The following USP32 variants were observed in gnomAD, a reference collection of about 807,000 sequenced individuals.
USP32 encodes ubiquitin specific peptidase 32.
USP32 carries 59 observed loss-of-function variants against 204.8 expected under a neutral mutation model. The observed-to-expected ratio is 0.29, with a 90% CI of 0.23 to 0.36. USP32 has a LOEUF of 0.36. Among genes scored for constraint, USP32 ranks in the 10% least tolerant of loss-of-function variants. The pLI is 1.00. For missense variants in USP32, 1,160 were observed against 1,946.4 expected (o/e 0.60, Z 7.60); for synonymous variants, 517 against 678.4 (o/e 0.76, Z 3.70).
intron 13 of USP32, among the ~76,000 whole-genome samples, chr17:60,224,985 C>T (rs922014126): frequency 7.2e-5 from 11 of 152,132 alleles, no homozygotes; most frequent in Admixed American, 7.2e-4. Context: ...AGTATTTTAA[C>T]AAAATAATCT....
intron 9 of USP32, among the ~76,000 whole-genome samples, chr17:60,260,712 T>C (rs958065308): frequency 1.4e-5 from 2 of 145,060 alleles, no homozygotes; most frequent in South Asian, 2.1e-4. Context: ...TAGAAAATTA[T>C]ATACAGATTT....
intron 1 of USP32, among the ~76,000 whole-genome samples, chr17:60,389,871 G>C (rs2089799265): frequency 6.6e-6 from 1 of 151,986 alleles, no homozygotes; most frequent in Non-Finnish European, 1.5e-5. Flanking sequence ...AAAAAAATTA[G>C]CCGGGCGTGG....
intron 2 of USP32, among the ~76,000 whole-genome samples, chr17:60,321,593 C>G (rs2088112820): frequency 6.6e-6 from 1 of 152,120 alleles, no homozygotes; most frequent in African/African-American, 2.4e-5. Context: ...GGCTTTAGAA[C>G]AGCTATTACA....
intron 26 of USP32, among the ~76,000 whole-genome samples, chr17:60,199,939 T>C (rs2084630577): frequency 1.3e-5 from 2 of 152,304 alleles, no homozygotes; most frequent in African/African-American, 4.8e-5. Context: ...CTCATGCCTG[T>C]AATCCCAGCA....
chr17:60,408,276 G>T (rs1021162948), intron 1 of USP32, among the ~76,000 whole-genome samples: 5 of 151,958 alleles, frequency 3.3e-5, no homozygotes, highest in African/African-American at 4.8e-5. Context: ...TATATTTAAA[G>T]AAAAACATGA....
chr17:60,303,443 T>C (rs947138625), intron 2 of USP32, among the ~76,000 whole-genome samples: 10 of 151,916 alleles, frequency 6.6e-5, no homozygotes, highest in African/African-American at 2.4e-4. Context: ...AGAATGTCTT[T>C]GAGGTGTGAT....
chr17:60,349,624 T>TTATATA (rs1318566015), intron 1 of USP32, among the ~76,000 whole-genome samples: 2 of 60,298 alleles, frequency 3.3e-5, no homozygotes, highest in African/African-American at 1.2e-4. Flanking sequence ...TATATATATA[T>TTATATA]TATATATATA....
At chr17:60,393,973 C>G (rs888011784), upstream of USP32, among the ~76,000 whole-genome samples, 1 of 152,146 alleles carries the variant, frequency 6.6e-6, no homozygotes, top group Non-Finnish European at 1.5e-5. Context: ...CGTGAGCCAC[C>G]GCGCCCCACC....
rs371602577 is a variant in USP32, at chr17:60,297,453, T to TC, written c.293-2653_293-2652insG. 1.3e-3 allele frequency among the ~76,000 whole-genome samples: 201 copies of TC among 151,924 alleles called. 1 individual carries two copies. Among genetic ancestry groups the TC allele is most frequent in the African/African-American group, 4.5e-3 (188 of 41,436 alleles). ...CTACAATGTTTTTCCTTTTCTTTTTTTTTTTTTCTTTTTGAGACAGAGTCT... is the reference window on the plus strand; with the variant it reads ...CTACAATGTTTTTCCTTTTCTTTTTTCTTTTTTTCTTTTTGAGACAGAGTCT... On this transcript the variant is annotated intron_variant, in intron 3 of 33. Transcript: ENST00000300896.
chr17:60,339,733 T>G (rs532231968), intron 2 of USP32, among the ~76,000 whole-genome samples: 7 of 152,254 alleles, frequency 4.6e-5, no homozygotes, highest in African/African-American at 1.7e-4. Context: ...GCTCTAAAAA[T>G]ATAAAGCTAC....
At chr17:60,406,805 C>T (rs1251490011) in intron 1 of USP32, among the ~76,000 whole-genome samples, 4 of 151,872 alleles carry the variant, frequency 2.6e-5, no homozygotes, top group South Asian at 2.1e-4. Context: ...TGAGCCACTG[C>T]GCCTGGCCTT....
intron 25 of USP32, among the ~76,000 whole-genome samples, chr17:60,206,694 C>G (rs561821681): frequency 1.3e-5 from 2 of 151,972 alleles, no homozygotes; most frequent in Admixed American, 6.5e-5. Flanking sequence ...TATTGGATTT[C>G]TTTCTAGCTA....
chr17:60,257,338 T>TG (rs1472449191), intron 9 of USP32, among the ~76,000 whole-genome samples: 1 of 152,108 alleles, frequency 6.6e-6, no homozygotes, highest in African/African-American at 2.4e-5. Flanking sequence ...ATGTGCCAAT[T>TG]GGGGGGAGTC....
At chr17:60,283,649 C>A (rs964724690) in intron 5 of USP32, among the ~76,000 whole-genome samples, 1 of 148,622 alleles carries the variant, frequency 6.7e-6, no homozygotes. Context: ...GGATATAAAA[C>A]ACAGAAGGAA....
intron 1 of USP32, among the ~76,000 whole-genome samples, chr17:60,351,129 G>T (rs973204562): frequency 2.0e-5 from 3 of 152,014 alleles, no homozygotes; most frequent in African/African-American, 7.2e-5. Context: ...CAAAAGTCAG[G>T]GGGGTAAAAG....
intron 9 of USP32, among the ~76,000 whole-genome samples, chr17:60,256,011 G>A (rs2086293121): frequency 6.6e-6 from 1 of 152,062 alleles, no homozygotes; most frequent in African/African-American, 2.4e-5. Context: ...TAGATCAACT[G>A]TCTTATAATC....
At chr17:60,284,068 C>T (rs937578210) in intron 5 of USP32, among the ~76,000 whole-genome samples, 2 of 151,864 alleles carry the variant, frequency 1.3e-5, no homozygotes, top group Admixed American at 6.6e-5. Flanking sequence ...ACTGATTGGT[C>T]AACAGTGTTA....
chr17:60,198,535 C>T, intron 26 of USP32, 91 bp from the exon 27 acceptor site: 14 of 1,400,128 alleles, frequency 1.0e-5, no homozygotes, highest in African/African-American at 1.4e-5. Flanking sequence ...ATGACAGGCA[C>T]TATCACCATT....
upstream of USP32, chr17:60,392,178 T>G: frequency 2.0e-6 from 1 of 507,758 alleles, no homozygotes; most frequent in Non-Finnish European, 3.5e-6. Context: ...TACTCCGCCC[T>G]TCTCTCTCCT....
Sources: gnomAD v4.1 joint callset for allele counts (sites outside exome capture counted in the v4.1 genomes callset) on GRCh38, gnomAD v4.1.1 for gene constraint, MANE v1.5 for transcripts, NCBI Gene and HGNC (gene_info 2026-07-23, HGNC 2026-07-21) for gene names.